The following PDIA6 variants were observed in gnomAD, a reference collection of about 807,000 sequenced individuals.
PDIA6 encodes protein disulfide isomerase family A member 6, also known as protein disulfide-isomerase A6.
PDIA6 carries 29 observed loss-of-function variants against 58.4 expected under a neutral mutation model. The ratio of observed to expected loss-of-function variants is 0.50; its 90% CI spans 0.37 to 0.68. The LOEUF is 0.68. Among genes scored for constraint, PDIA6 ranks in the 30% least tolerant of loss-of-function variants. The pLI, the probability that PDIA6 is intolerant of heterozygous loss-of-function variation, is 0.00. For missense variants in PDIA6, 480 were observed against 551.0 expected, an observed-to-expected ratio of 0.87 and a Z score of 1.29; for synonymous variants, 192 against 202.6, an observed-to-expected ratio of 0.95 and a Z score of 0.44.
intron 1 of PDIA6, chr2:10,823,120 CT>C (rs1278623866): frequency 6.6e-6 from 1 of 152,214 alleles, no homozygotes; most frequent in African/African-American, 2.4e-5. Flanking sequence ...GACAAATCAC[CT>C]TGCTCATTTT....
chr2:10,788,600 A>G (rs906529288), intron 10 of PDIA6, 97 bp downstream of exon 10: 2 of 842,936 alleles, frequency 2.4e-6, no homozygotes, highest in Non-Finnish European at 4.0e-6. Flanking sequence ...CAGAGCAAAC[A>G]TAGAACACAG....
intron 8 of PDIA6, 135 bp from the exon 9 acceptor site, chr2:10,789,116 A>G: frequency 1.5e-6 from 1 of 677,966 alleles, no homozygotes; most frequent in Non-Finnish European, 2.7e-6. Flanking sequence ...TCGTATGGAA[A>G]CACCTGGAGG....
upstream of PDIA6, chr2:10,812,965 G>A: frequency 2.0e-6 from 1 of 509,520 alleles, no homozygotes; most frequent in Non-Finnish European, 2.8e-6. Flanking sequence ...GTGGCGAGCA[G>A]CGGAAGGCGG....
chr2:10,804,641 C>A (rs1666656640), intron 1 of PDIA6, among the ~76,000 whole-genome samples: 1 of 137,910 alleles, frequency 7.3e-6, no homozygotes, highest in South Asian at 2.6e-4. Flanking sequence ...CTTAGGATTG[C>A]TTTGGCGATG....
chr2:10,794,464 CTTTCTT>C (rs1365802924), intron 4 of PDIA6, among the ~76,000 whole-genome samples: 2 of 33,524 alleles, frequency 6.0e-5, no homozygotes, highest in East Asian at 7.5e-4. Flanking sequence ...AAAAAAAAAT[CTTTCTT>C]TTTTTTTTTT....
At chr2:10,798,233 A>G (rs1050069601) in intron 2 of PDIA6, among the ~76,000 whole-genome samples, 1 of 152,086 alleles carries the variant, frequency 6.6e-6, no homozygotes, top group Admixed American at 6.6e-5. Context: ...AGCAACCTGG[A>G]TGAACTCACC....
In PDIA6 at chr2:10,784,920, TC is replaced by T; in HGVS notation, c.1254+13del. 1 of 1,545,198 alleles carries T rather than the reference TC, an allele frequency of 6.5e-7. No homozygotes were observed. The highest frequency in any genetic ancestry group is 1.2e-5 in the South Asian group (1 of 85,046). On this transcript the variant is annotated intron_variant, in intron 12 of 12. Coordinates refer to ENST00000272227, the MANE Select transcript of PDIA6 (RefSeq NM_005742.4). ...AGGACTGCTGCCCGCACAGCTTCCC[TC>T]CCGGGCACTCACCTCGCCATCCCTG...
chr2:10,830,981 C>T (rs1006831521), intron 1 of PDIA6, among the ~76,000 whole-genome samples: 1 of 152,224 alleles, frequency 6.6e-6, no homozygotes, highest in African/African-American at 2.4e-5. Flanking sequence ...GAGCTCCCTC[C>T]TGCACCGGCC....
chr2:10,827,352 C>T (rs767406281), intron 1 of PDIA6, among the ~76,000 whole-genome samples: 3 of 152,050 alleles, frequency 2.0e-5, no homozygotes, highest in Non-Finnish European at 2.9e-5. Flanking sequence ...TGTGAGCCAC[C>T]GCACCCAGCC....
At chr2:10,822,165 T>C (rs1667416566) in intron 1 of PDIA6, among the ~76,000 whole-genome samples, 1 of 151,882 alleles carries the variant, frequency 6.6e-6, no homozygotes, top group South Asian at 2.1e-4. Context: ...TCTTGAACTC[T>C]TGGGCTCAAG....
intron 4 of PDIA6, among the ~76,000 whole-genome samples, chr2:10,793,491 T>C (rs1225565389): frequency 6.6e-6 from 1 of 152,198 alleles, no homozygotes; most frequent in African/African-American, 2.4e-5. Flanking sequence ...CTCAGGTCAC[T>C]GCAACCTCCG....
Position 10,785,029 on chromosome 2 carries a change from C to A in PDIA6, c.1159G>T (p.Glu387Ter). 6.4e-7 allele frequency: 1 copy of A among 1,570,144 alleles called. No individual in the cohort carries two copies. Among genetic ancestry groups the A allele is most frequent in the African/African-American group, 1.4e-5 (1 of 73,990 alleles). The change falls in exon 12 of 13, where the codon GAG becomes TAG. Residue 387 changes from glutamate (E) to a stop codon, truncating the protein, a stop_gained and splice_region_variant. Coordinates refer to ENST00000272227, the MANE Select transcript of PDIA6 (RefSeq NM_005742.4). LOFTEE classifies it high-confidence loss of function. ...SEQGINEFLR[E>*]LSFGRGSTAP... The stretch of plus-strand genomic sequence containing the variant: ...GTGGAGCCACGCCCAAAAGAGAGCT[C>A]CCTTAGGGAAAAATGACCAAAACAC...
chr2:10,818,481 AATTTATTTATTTATTTATTT>A (rs750321012), intron 2 of PDIA6, among the ~76,000 whole-genome samples: 25 of 115,790 alleles, frequency 2.2e-4, no homozygotes, highest in Middle Eastern at 4.2e-3. Flanking sequence ...TTAACCATTT[AATTTATTTATTTATTTATTT>A]ATTTATTTAT....
intron 1 of PDIA6, among the ~76,000 whole-genome samples, chr2:10,806,354 C>T (rs541819040): frequency 2.3e-5 from 3 of 129,680 alleles, no homozygotes; most frequent in African/African-American, 8.5e-5. Context: ...CCTGATAGGG[C>T]AAGACCTTGT....
intron 2 of PDIA6, among the ~76,000 whole-genome samples, chr2:10,818,272 AC>A (rs978252563): frequency 6.6e-6 from 1 of 151,040 alleles, no homozygotes; most frequent in African/African-American, 2.4e-5. Flanking sequence ...AAGCAATCTT[AC>A]CACCTCAGCC....
At chr2:10,826,078 T>C (rs1667548034) in intron 1 of PDIA6, among the ~76,000 whole-genome samples, 1 of 152,236 alleles carries the variant, frequency 6.6e-6, no homozygotes, top group Non-Finnish European at 1.5e-5. Context: ...CAAATGTTCA[T>C]CACCTGACGA....
At chr2:10,833,471 T>C (rs1306038553), upstream of PDIA6, among the ~76,000 whole-genome samples, 1 of 152,158 alleles carries the variant, frequency 6.6e-6, no homozygotes, top group African/African-American at 2.4e-5. Context: ...AGTGGGGTAA[T>C]AAGCCTCACA....
intron 1 of PDIA6, among the ~76,000 whole-genome samples, chr2:10,806,532 T>C (rs929433069): frequency 1.3e-5 from 2 of 149,518 alleles, no homozygotes; most frequent in Non-Finnish European, 3.0e-5. Context: ...TCCCAACACT[T>C]TGGAGGCCAA....
chr2:10,837,694 C>A, exon 1 of PDIA6: 1 of 1,507,074 alleles, frequency 6.6e-7, no homozygotes, highest in Non-Finnish European at 8.8e-7. Flanking sequence ...CAAGCCTGGG[C>A]AGCCTGGTGT....
Sources: gnomAD v4.1 joint callset for allele counts (sites outside exome capture counted in the v4.1 genomes callset) on GRCh38, gnomAD v4.1.1 for gene constraint, MANE v1.5 for transcripts, NCBI Gene and HGNC (gene_info 2026-07-23, HGNC 2026-07-21) for gene names.